Variants in DNAH9 observed in about 807,000 individuals in gnomAD.
The protein encoded by DNAH9 is DNAH9 variant protein.
In DNAH9, 345 loss-of-function variants were observed where a neutral mutation model predicts 471.6. That is an observed-to-expected ratio of 0.73 (90% CI 0.67 to 0.80). The LOEUF (loss-of-function observed/expected upper bound fraction) is 0.80, where lower values mean the gene tolerates loss of function less well. Ranked by LOEUF, DNAH9 falls within the 30% of genes least tolerant of loss-of-function variation. The pLI, the probability that DNAH9 is intolerant of heterozygous loss-of-function variation, is 0.00. For synonymous variants in DNAH9, 2,093 were observed against 2,123.6 expected, an observed-to-expected ratio of 0.99 and a Z score of 0.40; for missense variants, 5,407 against 5,609.2, an observed-to-expected ratio of 0.96 and a Z score of 1.15.
At chr17:11,862,142 T>C (rs1027643710) in intron 50 of DNAH9, among the ~76,000 whole-genome samples, 5 of 131,842 alleles carry the variant, frequency 3.8e-5, no homozygotes, top group Admixed American at 7.4e-5. Context: ...CTAGGGTTTA[T>C]ATGGTTTTAG....
chr17:11,942,553 G>C lies in DNAH9; in HGVS notation c.12843+68G>C, dbSNP rs999330238. 4 of 1,504,110 alleles carry C rather than the reference G, an allele frequency of 2.7e-6. No homozygotes were observed. The African/African-American group carries it at 5.5e-5, about 21-fold the overall frequency. The allele number at this position is 1,504,110 out of a possible 1,614,324, so 93.2% of individuals were successfully genotyped here. On this transcript the variant is annotated intron_variant, in intron 67 of 68. Transcript: ENST00000262442. ...GACACAGATGGACCCCTATGGGGAA[G>C]AAGGAGCACTGGGGGACCTGAAAGC...
intron 67 of DNAH9, among the ~76,000 whole-genome samples, chr17:11,950,193 G>C (rs1975313255): frequency 6.6e-6 from 1 of 152,120 alleles, no homozygotes; most frequent in African/African-American, 2.4e-5. Flanking sequence ...TTCCCCACCA[G>C]AGTGGTACTT....
intron 42 of DNAH9, among the ~76,000 whole-genome samples, chr17:11,793,997 C>T (rs957252436): frequency 2.6e-5 from 4 of 151,406 alleles, no homozygotes; most frequent in African/African-American, 7.3e-5. Flanking sequence ...TTTCCAAGGC[C>T]GCCATTTTGG....
At chr17:11,618,572 G>A (rs56364080) in intron 5 of DNAH9, among the ~76,000 whole-genome samples, 3,337 of 120,360 alleles carry the variant, frequency 0.028, 49 homozygotes, top group Non-Finnish European at 0.038. Flanking sequence ...GCGACAGAGC[G>A]AGACTCCATC....
rs1403508140 is a variant in DNAH9 at position 11,669,188 on chromosome 17, C to T, written c.2856C>T (p.Leu952=). 1 of 1,613,994 alleles carries T rather than the reference C, an allele frequency of 6.2e-7. No individual in the cohort carries two copies. Among genetic ancestry groups the T allele is most frequent in the Admixed American group, 1.7e-5 (1 of 60,024 alleles). The change falls in exon 16 of 69, where the codon CTC becomes CTT. Residue 952 remains leucine (L), a synonymous_variant. Coordinates refer to ENST00000262442, the MANE Select transcript of DNAH9 (RefSeq NM_001372.4). ...GTTTCTGTGACATTGTTGAGGGTCTCATCACCAGCATTTTTAGGATACCAT... is the reference window on the plus strand; with the variant it reads ...GTTTCTGTGACATTGTTGAGGGTCTTATCACCAGCATTTTTAGGATACCAT... The part of the protein sequence containing the change: ...KGGFCDIVEG[L]ITSIFRIPSL...
chr17:11,797,683 T>C lies in DNAH9; in HGVS notation c.8310T>C (p.Pro2770=), dbSNP rs766041738. ...GTATTGGGGAGCCCAAATACATGCC[T>C]GTACAGTCTTGGGAACTTTTGACCC... ...ANGIGEPKYM[P]VQSWELLTQT... is the part of the protein sequence containing the mutation. Residue 2770 remains proline, a synonymous_variant, in exon 43 of 69, where the codon CCT becomes CCC. Coordinates refer to ENST00000262442, the MANE Select transcript of DNAH9 (RefSeq NM_001372.4). The C allele has an allele frequency of 2.5e-6, 4 of 1,614,098 alleles. No homozygotes were observed. The Admixed American group carries it at 6.7e-5, about 27-fold the overall frequency.
chr17:11,894,460 G>A lies in DNAH9; in HGVS notation c.11370G>A (p.Val3790=). The A allele has an allele frequency of 3.7e-6, 6 of 1,614,168 alleles. No homozygotes were observed. Among genetic ancestry groups the A allele is most frequent in the Non-Finnish European group, 5.1e-6 (6 of 1,180,018 alleles). ...SPVQTGTASP[V]EFLSHQAWGA... Reference sequence around the variant, plus strand: ...TGCAGACGGGCACCGCCAGCCCCGTGGAGTTCCTCTCCCATCAGGCGTGGG... The same window carrying A: ...TGCAGACGGGCACCGCCAGCCCCGTAGAGTTCCTCTCCCATCAGGCGTGGG... Residue 3790 remains valine, a synonymous_variant, in exon 59 of 69, where the codon GTG becomes GTA. Coordinates refer to ENST00000262442, the MANE Select transcript of DNAH9 (RefSeq NM_001372.4).
At chr17:11,967,846 G>T (rs1355377204) in intron 68 of DNAH9, among the ~76,000 whole-genome samples, 1 of 151,970 alleles carries the variant, frequency 6.6e-6, no homozygotes, top group Non-Finnish European at 1.5e-5. Context: ...AATTGTTACT[G>T]AAAAATAAAT....
At chr17:11,759,514 C>T (rs2150862972) in intron 35 of DNAH9, among the ~76,000 whole-genome samples, 1 of 140,668 alleles carries the variant, frequency 7.1e-6, no homozygotes, top group South Asian at 2.3e-4. Flanking sequence ...TATATACACA[C>T]CACTTTTTTT....
In DNAH9 at chr17:11,619,789, C is replaced by G; in HGVS notation, c.1350+8C>G. ...CAACTGCACGTGGTGGAGGTGAGTG[C>G]GCACCTCACCTCAGGCTGCCAGCCC... On this transcript the variant is annotated splice_region_variant and intron_variant, in intron 6 of 68. Coordinates refer to ENST00000262442, the MANE Select transcript of DNAH9 (RefSeq NM_001372.4). The G allele has an allele frequency of 5.3e-6, 8 of 1,515,386 alleles. No homozygotes were observed. The highest frequency in any genetic ancestry group is 3.3e-5 in the Admixed American group (2 of 59,844). 93.9% of individuals were successfully genotyped at this position (1,515,386 alleles called of 1,614,324 possible).
chr17:11,633,782 A>T (rs1409276489), intron 8 of DNAH9, among the ~76,000 whole-genome samples: 1 of 152,188 alleles, frequency 6.6e-6, no homozygotes, highest in Non-Finnish European at 1.5e-5. Context: ...GCCCAGACCT[A>T]CACATCACAT....
At chr17:11,724,902 C>A (rs541666150) in intron 27 of DNAH9, among the ~76,000 whole-genome samples, 1 of 152,112 alleles carries the variant, frequency 6.6e-6, no homozygotes, top group East Asian at 1.9e-4. Context: ...TCAGTGGGGG[C>A]CCTGGTCTTC....
chr17:11,699,540 T>G (rs1423800023), intron 22 of DNAH9, among the ~76,000 whole-genome samples, 191 bp from the exon 23 acceptor site: 1 of 152,236 alleles, frequency 6.6e-6, no homozygotes, highest in Admixed American at 6.5e-5. Context: ...CAGTCTTCCT[T>G]TGGCCACTTC....
chr17:11,831,273 T>G lies in DNAH9; in HGVS notation c.9247-3365T>G, dbSNP rs202136269. Reference sequence around the variant, plus strand: ...CATCTGATGAAGGCCTCAAGCTGCTTCTTTTCATGGTGGAAGGGAAAGTGG... The same window carrying G: ...CATCTGATGAAGGCCTCAAGCTGCTGCTTTTCATGGTGGAAGGGAAAGTGG... On this transcript the variant is annotated intron_variant, in intron 48 of 68. Coordinates refer to ENST00000262442, the MANE Select transcript of DNAH9 (RefSeq NM_001372.4). Among the ~76,000 whole-genome samples the G allele has an allele frequency of 3.9e-4, 59 of 152,270 alleles. No individual in the cohort carries two copies. In the East Asian group the frequency reaches 8.7e-3, roughly 22 times the overall value.
rs1329427294 is a variant in DNAH9, at chr17:11,905,683, G to A, written c.11623G>A (p.Gly3875Arg). Reference protein sequence around the residue: ...ALRDFVEEKLGSKYVVGRALD... With the variant: ...ALRDFVEEKLRSKYVVGRALD... ...CAGAGATTTTGTTGAAGAGAAGTTA[G>A]GAAGCAAATACGTGGTGGGAAGAGC... The change falls in exon 61 of 69, where the codon GGA becomes AGA. Residue 3875 changes from glycine (G) to arginine (R), a missense_variant. Physicochemically the swap from Gly to Arg is moderately radical, Grantham distance 125. Around this residue, in one of 3 missense-constraint regions of DNAH9, gnomAD observed 4,636 missense variants for 4,900.3 expected, o/e 0.95. Coordinates refer to ENST00000262442, the MANE Select transcript of DNAH9 (RefSeq NM_001372.4). 10 of 1,613,898 alleles carry A rather than the reference G, an allele frequency of 6.2e-6. No individual in the cohort carries two copies. Among genetic ancestry groups the A allele is most frequent in the Non-Finnish European group, 8.5e-6 (10 of 1,179,980 alleles).
intron 26 of DNAH9, among the ~76,000 whole-genome samples, chr17:11,709,494 C>G (rs573413434): frequency 6.6e-6 from 1 of 152,078 alleles, no homozygotes; most frequent in Non-Finnish European, 1.5e-5. Context: ...CTCTCCTGCC[C>G]GAAGAATTAA....
intron 40 of DNAH9, 26 bp downstream of exon 40, chr17:11,783,774 G>A (rs755522502): frequency 6.3e-7 from 1 of 1,577,384 alleles, no homozygotes; most frequent in Non-Finnish European, 8.7e-7. Flanking sequence ...TGGGACCTGG[G>A]TCCTAATCCT....
chr17:11,828,350 G>A (rs1970573913), intron 48 of DNAH9, among the ~76,000 whole-genome samples: 1 of 151,898 alleles, frequency 6.6e-6, no homozygotes, highest in African/African-American at 2.4e-5. Flanking sequence ...GCATGCGCCT[G>A]TAATCCCAGC....
At chr17:11,941,153 C>A (rs1468574905) in intron 66 of DNAH9, among the ~76,000 whole-genome samples, 1 of 152,114 alleles carries the variant, frequency 6.6e-6, no homozygotes, top group Non-Finnish European at 1.5e-5. Flanking sequence ...AAACTGGGCC[C>A]AGTGACTAAA....
Sources: allele counts gnomAD v4.1 joint callset (sites outside exome capture counted in the v4.1 genomes callset), GRCh38; gene constraint gnomAD v4.1.1; regional missense constraint gnomAD v4.1.1; transcripts MANE v1.5; gene names NCBI Gene and HGNC (gene_info 2026-07-23, HGNC 2026-07-21).